Variants in KREMEN1 observed in about 807,000 individuals in gnomAD.
KREMEN1 encodes kremen protein 1.
In KREMEN1, 30 loss-of-function variants were observed where a neutral mutation model predicts 46.5. That is an observed-to-expected ratio of 0.65 (90% confidence interval 0.48 to 0.88). The LOEUF (loss-of-function observed/expected upper bound fraction) is 0.88. Among genes scored for constraint, KREMEN1 ranks in the 40% least tolerant of loss-of-function variants. The probability of loss-of-function intolerance (pLI) is 0.00; values close to 1 mark genes in which losing one functional copy is unlikely to be tolerated. For missense variants in KREMEN1, 533 were observed against 596.9 expected (o/e 0.89, Z 1.11); for synonymous variants, 214 against 230.6 (o/e 0.93, Z 0.65).
downstream of KREMEN1, among the ~76,000 whole-genome samples, chr22:29,148,458 T>A (rs889154648): frequency 2.6e-5 from 4 of 151,018 alleles, no homozygotes; most frequent in African/African-American, 9.7e-5. Context: ...TTGTTTTTTT[T>A]GTTTTTTTTT....
Position 29,144,637 on chromosome 22 carries a change from C to T in KREMEN1, c.*2525C>T. The T allele has an allele frequency of 1.0e-6, 1 of 985,530 alleles. No individual in the cohort carries two copies. The highest frequency in any genetic ancestry group is 1.7e-5 in the African/African-American group (1 of 57,382). 61.0% of individuals were successfully genotyped at this position (985,530 alleles called of 1,614,324 possible). The stretch of plus-strand genomic sequence containing the variant: ...ACATAAGTGTCAGGTGTGTGTCGTC[C>T]CAACGGGTCCTGTGCTGTGAATAGA... On this transcript the variant is annotated 3_prime_UTR_variant, in exon 9 of 9. Transcript: ENST00000400335.
intron 1 of KREMEN1, among the ~76,000 whole-genome samples, chr22:29,093,428 CTCT>C (rs1390702878): frequency 2.0e-5 from 3 of 152,136 alleles, no homozygotes; most frequent in African/African-American, 7.2e-5. Flanking sequence ...TCTCATGAAC[CTCT>C]TCGAGTTTAA....
intron 3 of KREMEN1, among the ~76,000 whole-genome samples, chr22:29,101,579 G>A (rs773895077): frequency 2.3e-4 from 35 of 152,292 alleles, no homozygotes; most frequent in East Asian, 7.7e-4. Context: ...AGCTTCATTC[G>A]TGGCAAGTGC....
intron 9 of KREMEN1, among the ~76,000 whole-genome samples, chr22:29,151,933 C>T (rs527802488): frequency 1.9e-4 from 28 of 150,124 alleles, no homozygotes; most frequent in Non-Finnish European, 3.2e-4. Flanking sequence ...TTGCTTGAAC[C>T]GGGGAGGTGG....
chr22:29,102,816 G>A (rs924203943), intron 3 of KREMEN1, among the ~76,000 whole-genome samples: 1 of 152,158 alleles, frequency 6.6e-6, no homozygotes, highest in Non-Finnish European at 1.5e-5. Context: ...CCTTGAGATG[G>A]TCTGGGCAGA....
At chr22:29,108,070 G>C (rs2038088904) in intron 3 of KREMEN1, among the ~76,000 whole-genome samples, 2 of 152,230 alleles carry the variant, frequency 1.3e-5, no homozygotes, top group Non-Finnish European at 2.9e-5. Flanking sequence ...CAGATCGCTT[G>C]AGCCCACGAG....
In KREMEN1 at chr22:29,143,535, G is replaced by A. The variant is rs1465779499; in HGVS notation, c.*1423G>A. On this transcript the variant is annotated 3_prime_UTR_variant, in exon 9 of 9. Coordinates refer to ENST00000400335, the MANE Select transcript of KREMEN1 (RefSeq NM_001039570.3). Reference sequence around the variant, plus strand: ...AGGCGGGTGGATCACGAGGTCAGGTGATCGAAACCATCCTGGCTAAGATGG... The same window carrying A: ...AGGCGGGTGGATCACGAGGTCAGGTAATCGAAACCATCCTGGCTAAGATGG... The A allele has an allele frequency of 1.1e-6, 1 of 869,684 alleles. No homozygotes were observed. The highest frequency in any genetic ancestry group is 1.4e-6 in the Non-Finnish European group (1 of 724,708). The allele number at this position is 869,684 out of a possible 1,614,324, so 53.9% of individuals were successfully genotyped here. A position where few individuals can be genotyped will look rare whatever the true frequency, so the allele number is the denominator to read the frequency against.
At chr22:29,080,986 G>A (rs2145737746) in intron 1 of KREMEN1, among the ~76,000 whole-genome samples, 1 of 113,818 alleles carries the variant, frequency 8.8e-6, no homozygotes, top group East Asian at 2.4e-4. Flanking sequence ...CCTGTTACCA[G>A]CAATGAATTT....
At chr22:29,125,123 G>T (rs1026082382) in intron 4 of KREMEN1, 140 bp from the exon 5 acceptor site, 2 of 801,236 alleles carry the variant, frequency 2.5e-6, no homozygotes, top group Non-Finnish European at 2.1e-6. Context: ...TGCAAGAGTG[G>T]AAGAAGGGGG....
intron 1 of KREMEN1, among the ~76,000 whole-genome samples, chr22:29,092,511 C>G (rs1430594929): frequency 6.6e-6 from 1 of 152,190 alleles, no homozygotes; most frequent in African/African-American, 2.4e-5. Context: ...GACAAGAAGC[C>G]AAGGCTTAGT....
intron 6 of KREMEN1, 94 bp downstream of exon 6, chr22:29,137,768 C>A: frequency 1.0e-6 from 1 of 993,952 alleles, no homozygotes; most frequent in Non-Finnish European, 1.4e-6. Context: ...TCTTGCGGGG[C>A]AGATTGGGCC....
chr22:29,139,684 G>C (rs557283185), intron 7 of KREMEN1, among the ~76,000 whole-genome samples: 1 of 152,312 alleles, frequency 6.6e-6, no homozygotes, highest in Admixed American at 6.5e-5. Context: ...GAGGCAGGAG[G>C]ATTGCTTGAG....
intron 1 of KREMEN1, among the ~76,000 whole-genome samples, chr22:29,086,902 A>G (rs1202514299): frequency 6.6e-6 from 1 of 151,978 alleles, no homozygotes; most frequent in Non-Finnish European, 1.5e-5. Context: ...ACACACCACC[A>G]CACCCAGCAA....
intron 6 of KREMEN1, 63 bp from the exon 7 acceptor site, chr22:29,138,561 T>C (rs1009815057): frequency 7.3e-6 from 11 of 1,500,284 alleles, no homozygotes; most frequent in East Asian, 4.5e-5. Context: ...CGTGCTCTCC[T>C]CCCGCACAAC....
chr22:29,160,373 A>G (rs2145874712), intron 9 of KREMEN1, among the ~76,000 whole-genome samples: 1 of 39,568 alleles, frequency 2.5e-5, no homozygotes, highest in South Asian at 7.4e-4. Context: ...TCAACTAAAA[A>G]TACAAAAAAA....
rs193207960 is a variant in KREMEN1, at chr22:29,153,121, G to A, written c.1416+11021G>A. 2.0e-5 allele frequency among the ~76,000 whole-genome samples: 3 copies of A among 152,314 alleles called. No homozygotes were observed. The East Asian group carries it at 5.8e-4, about 29-fold the overall frequency. On this transcript the variant is annotated intron_variant, in intron 9 of 9. Coordinates refer to the KREMEN1 transcript ENST00000327813. ...ATTCATAAACTGTCATGGCCCTGGTGGGAGTGTCTTTTCACATGCTAATGA... is the reference window on the plus strand; with the variant it reads ...ATTCATAAACTGTCATGGCCCTGGTAGGAGTGTCTTTTCACATGCTAATGA...
At chr22:29,137,740 C>A in intron 6 of KREMEN1, 66 bp downstream of exon 6, 2 of 1,319,088 alleles carry the variant, frequency 1.5e-6, no homozygotes, top group East Asian at 2.4e-5. Flanking sequence ...TCTTCTTCAC[C>A]CTTGTGACTT....
intron 1 of KREMEN1, among the ~76,000 whole-genome samples, chr22:29,088,746 G>A (rs537145248): frequency 4.6e-5 from 7 of 152,072 alleles, no homozygotes; most frequent in African/African-American, 1.4e-4. Flanking sequence ...ACTATGTACC[G>A]AGTACTTTAC....
At chr22:29,109,973 C>T (rs979722924) in intron 3 of KREMEN1, among the ~76,000 whole-genome samples, 1 of 152,204 alleles carries the variant, frequency 6.6e-6, no homozygotes, top group African/African-American at 2.4e-5. Flanking sequence ...AACAAACGAG[C>T]TTTTCTTCCC....
Sources: gnomAD v4.1 joint callset for allele counts (sites outside exome capture counted in the v4.1 genomes callset) on GRCh38, gnomAD v4.1.1 for gene constraint, MANE v1.5 for transcripts, NCBI Gene and HGNC (gene_info 2026-07-23, HGNC 2026-07-21) for gene names.